Variants in NCKAP5 observed in about 807,000 individuals in gnomAD.
NCKAP5 encodes the protein nck-associated protein 5.
NCKAP5 carries 92 observed loss-of-function variants against 167.0 expected under a neutral mutation model. The ratio of observed to expected loss-of-function variants is 0.55; its 90% CI spans 0.47 to 0.66. The LOEUF is 0.66. Ranked by LOEUF, NCKAP5 falls within the 30% of genes least tolerant of loss-of-function variation. NCKAP5 has a pLI of 0.00. For synonymous variants in NCKAP5, 891 were observed against 877.4 expected (o/e 1.02, Z -0.27); for missense variants, 2,378 against 2,315.0 (o/e 1.03, Z -0.56).
chr2:133,056,684 C>G (rs1252005415), intron 6 of NCKAP5, among the ~76,000 whole-genome samples: 2 of 152,172 alleles, frequency 1.3e-5, no homozygotes, highest in Non-Finnish European at 2.9e-5. Flanking sequence ...TTATCAATGA[C>G]AAGCAGGAAA....
At chr2:132,728,696 A>G (rs2105453102) in intron 18 of NCKAP5, 120 bp downstream of exon 18, 1 of 1,344,972 alleles carries the variant, frequency 7.4e-7, no homozygotes, top group East Asian at 2.3e-5. Context: ...GTTTATATTC[A>G]GTAAACCAAC....
chr2:132,711,570 A>G (rs1365318988), intron 19 of NCKAP5, among the ~76,000 whole-genome samples: 1 of 152,292 alleles, frequency 6.6e-6, no homozygotes, highest in Middle Eastern at 3.4e-3. Context: ...TCATTCATTC[A>G]TTCACCTTCT....
chr2:133,250,493 T>A (rs773603670), intron 4 of NCKAP5, among the ~76,000 whole-genome samples: 1 of 152,146 alleles, frequency 6.6e-6, no homozygotes, highest in Non-Finnish European at 1.5e-5. Flanking sequence ...CAGGTGTGGT[T>A]CCTGACACCA....
chr2:132,814,651 T>C (rs186711782), intron 11 of NCKAP5, among the ~76,000 whole-genome samples: 1 of 152,314 alleles, frequency 6.6e-6, no homozygotes, highest in East Asian at 1.9e-4. Context: ...GAATCCGAGA[T>C]AGAAGTGATC....
intron 8 of NCKAP5, among the ~76,000 whole-genome samples, chr2:132,935,595 A>G (rs569589505): frequency 2.6e-5 from 4 of 152,118 alleles, no homozygotes; most frequent in African/African-American, 9.6e-5. Context: ...ATCACACCGG[A>G]TGAGAGGTGG....
intron 16 of NCKAP5, among the ~76,000 whole-genome samples, chr2:132,758,823 G>C (rs1680769121): frequency 6.6e-6 from 1 of 152,068 alleles, no homozygotes; most frequent in African/African-American, 2.4e-5. Context: ...GTTTTGGATG[G>C]TGTTTTTAAC....
At chr2:132,737,822 C>A (rs917451861) in intron 16 of NCKAP5, among the ~76,000 whole-genome samples, 1 of 152,216 alleles carries the variant, frequency 6.6e-6, no homozygotes, top group Non-Finnish European at 1.5e-5. Flanking sequence ...CTGTAAGCAT[C>A]GTGCAGGCAT....
intron 5 of NCKAP5, among the ~76,000 whole-genome samples, chr2:133,153,415 C>G (rs181817438): frequency 1.3e-5 from 2 of 152,052 alleles, no homozygotes; most frequent in African/African-American, 4.8e-5. Flanking sequence ...AATATGAGAA[C>G]TCCCTATACT....
intron 8 of NCKAP5, among the ~76,000 whole-genome samples, chr2:132,918,908 G>A (rs543035752): frequency 5.9e-5 from 9 of 152,314 alleles, no homozygotes; most frequent in African/African-American, 1.2e-4. Context: ...TGGGATGAAA[G>A]CTTCATGTTT....
intron 8 of NCKAP5, among the ~76,000 whole-genome samples, chr2:132,909,219 G>A (rs1406626112): frequency 2.0e-5 from 3 of 152,068 alleles, no homozygotes; most frequent in Non-Finnish European, 2.9e-5. Context: ...GGTGGCGCAC[G>A]CCTGTGATCC....
chr2:133,025,000 C>T (rs1218290235), intron 6 of NCKAP5, among the ~76,000 whole-genome samples: 1 of 152,138 alleles, frequency 6.6e-6, no homozygotes, highest in Non-Finnish European at 1.5e-5. Flanking sequence ...GTATAGTTGT[C>T]TACTATTTTT....
intron 4 of NCKAP5, among the ~76,000 whole-genome samples, chr2:133,229,836 A>G (rs1027815550): frequency 2.0e-5 from 3 of 152,040 alleles, no homozygotes; most frequent in African/African-American, 7.2e-5. Flanking sequence ...TTTCATGGGA[A>G]CCTCTCAAAA....
intron 6 of NCKAP5, among the ~76,000 whole-genome samples, chr2:133,062,999 T>C (rs2080063138): frequency 6.6e-6 from 1 of 152,200 alleles, no homozygotes; most frequent in African/African-American, 2.4e-5. Flanking sequence ...GCTGCTCTTC[T>C]CTTCCTACTT....
At chr2:132,775,497 T>C (rs1160191212) in intron 15 of NCKAP5, among the ~76,000 whole-genome samples, 1 of 152,212 alleles carries the variant, frequency 6.6e-6, no homozygotes, top group African/African-American at 2.4e-5. Flanking sequence ...CTGTCTAATC[T>C]GTGGGCATTT....
chr2:133,603,287 C>T, the NCKAP5 span, among the ~76,000 whole-genome samples: 46 of 146,222 alleles, frequency 3.1e-4, 1 homozygote, highest in Non-Finnish European at 4.9e-4. Context: ...AGTGCGATGG[C>T]GCAATCTCAA....
chr2:133,527,932 G>T (rs1404687328), intron 2 of NCKAP5, among the ~76,000 whole-genome samples: 1 of 152,116 alleles, frequency 6.6e-6, no homozygotes, highest in South Asian at 2.1e-4. Flanking sequence ...AGATGTGGTG[G>T]CACGTGCTTG....
At chr2:133,662,643 A>T in the NCKAP5 span, among the ~76,000 whole-genome samples, 1 of 140,784 alleles carries the variant, frequency 7.1e-6, no homozygotes, top group South Asian at 2.8e-4. Context: ...ATTCAGTGAA[A>T]GTGGCAAAAC....
At chr2:133,547,730 A>G (rs1686869393) in intron 2 of NCKAP5, among the ~76,000 whole-genome samples, 1 of 149,298 alleles carries the variant, frequency 6.7e-6, no homozygotes, top group Admixed American at 6.7e-5. Flanking sequence ...CCATCTGTAC[A>G]TCACCATCAT....
chr2:132,952,582 G>A (rs550368254), intron 8 of NCKAP5, among the ~76,000 whole-genome samples: 1 of 152,152 alleles, frequency 6.6e-6, no homozygotes, highest in Non-Finnish European at 1.5e-5. Context: ...AAGGGCTGCT[G>A]TAAAACAGCA....
Sources: gnomAD v4.1 joint callset for allele counts (sites outside exome capture counted in the v4.1 genomes callset) on GRCh38, gnomAD v4.1.1 for gene constraint, MANE v1.5 for transcripts, NCBI Gene and HGNC (gene_info 2026-07-23, HGNC 2026-07-21) for gene names.